AP3M1: variants seen among roughly 807,000 people sequenced by gnomAD.
AP3M1 encodes the protein adaptor related protein complex 3 subunit mu 1, also known as AP-3 complex subunit mu-1.
A neutral mutation model predicts 42.6 loss-of-function variants in AP3M1; 29 were observed. The observed-to-expected ratio is 0.68, with a 90% confidence interval of 0.51 to 0.93. The LOEUF (loss-of-function observed/expected upper bound fraction) is 0.93. Ranked by LOEUF, AP3M1 falls within the 40% of genes least tolerant of loss-of-function variation. The pLI, the probability that AP3M1 is intolerant of heterozygous loss-of-function variation, is 0.00. For missense variants in AP3M1, 416 were observed against 510.2 expected (o/e 0.82, Z 1.78); for synonymous variants, 178 against 175.3 (o/e 1.02, Z -0.12).
chr10:74,128,037 T>C (rs928556419), intron 6 of AP3M1, among the ~76,000 whole-genome samples: 2 of 141,492 alleles, frequency 1.4e-5, no homozygotes, highest in African/African-American at 5.4e-5. Flanking sequence ...GAGGTGGAGG[T>C]TGCAGTAAGC....
At chr10:74,141,714 CTT>C (rs920907444) in intron 1 of AP3M1, among the ~76,000 whole-genome samples, 15 of 133,382 alleles carry the variant, frequency 1.1e-4, no homozygotes, top group Admixed American at 3.1e-4. Flanking sequence ...TTTTATTTTC[CTT>C]TTTTTTTTTT....
chr10:74,134,281 G>T, intron 3 of AP3M1, 117 bp from the exon 4 acceptor site: 2 of 1,098,460 alleles, frequency 1.8e-6, no homozygotes, highest in Non-Finnish European at 2.6e-6. Context: ...ATGAAGTTGT[G>T]GATGGTCACT....
chr10:74,150,352 G>GC (rs988963384), intron 1 of AP3M1: 2 of 152,784 alleles, frequency 1.3e-5, no homozygotes, highest in Non-Finnish European at 2.9e-5. Context: ...CTGAAGAACT[G>GC]CAACACCCTT....
chr10:74,127,129 C>T (rs1840642500), intron 6 of AP3M1, among the ~76,000 whole-genome samples: 1 of 151,958 alleles, frequency 6.6e-6, no homozygotes, highest in Non-Finnish European at 1.5e-5. Context: ...GGAGGATGTG[C>T]ATAGGTTATA....
rs1032329009 is a variant in AP3M1 at position 74,136,694 on chromosome 10, T to A, written c.383A>T (p.Asn128Ile). 1.3e-6 allele frequency: 2 copies of A among 1,597,250 alleles called. No individual in the cohort carries two copies. Among genetic ancestry groups the A allele is most frequent in the Non-Finnish European group, 1.7e-6 (2 of 1,167,272 alleles). The change falls in exon 3 of 9, where the codon AAC (asparagine) becomes ATC (isoleucine). Residue 128 changes from asparagine (N) to isoleucine (I), a missense_variant. Asn to Ile is a moderately radical substitution (Grantham distance 149). Coordinates refer to ENST00000355264, the MANE Select transcript of AP3M1 (RefSeq NM_012095.6). ...TGGTTTAATCAATTCTTTCAAAATGTTAGATTCGGTAGCCAGTGGAAATCC... is the reference window on the plus strand; with the variant it reads ...TGGTTTAATCAATTCTTTCAAAATGATAGATTCGGTAGCCAGTGGAAATCC... ...DNGFPLATESNILKELIKPPT... is the reference protein window; with the variant it reads ...DNGFPLATESIILKELIKPPT...
chr10:74,138,446 G>T (rs1435091868), intron 1 of AP3M1, 64 bp from the exon 2 acceptor site: 1 of 1,436,752 alleles, frequency 7.0e-7, no homozygotes, highest in East Asian at 2.3e-5. Context: ...TACACAAAAA[G>T]ATTATACACC....
chr10:74,129,245 C>T lies in AP3M1; in HGVS notation c.670-4G>A. 6.2e-7 allele frequency: 1 copy of T among 1,613,060 alleles called. No homozygotes were observed. Among genetic ancestry groups the T allele is most frequent in the Non-Finnish European group, 8.5e-7 (1 of 1,179,640 alleles). On this transcript the variant is annotated splice_polypyrimidine_tract_variant and splice_region_variant and intron_variant, in intron 5 of 8. Coordinates refer to ENST00000355264, the MANE Select transcript of AP3M1 (RefSeq NM_012095.6). Reference sequence around the variant, plus strand: ...CATCATCCAGAAGCCTAGGGTTCTGCCAGAAAAACAGAAGACAGTCGTTCA... The same window carrying T: ...CATCATCCAGAAGCCTAGGGTTCTGTCAGAAAAACAGAAGACAGTCGTTCA...
intron 1 of AP3M1, among the ~76,000 whole-genome samples, chr10:74,143,756 G>C (rs1841232540): frequency 6.6e-6 from 1 of 152,120 alleles, no homozygotes; most frequent in Non-Finnish European, 1.5e-5. Context: ...CCTAAATCCA[G>C]CTGAATTCTG....
intron 1 of AP3M1, 178 bp downstream of exon 1, chr10:74,150,577 C>T (rs1371206478): frequency 6.5e-6 from 1 of 153,288 alleles, no homozygotes; most frequent in Non-Finnish European, 1.5e-5. Flanking sequence ...CCGCTCCCTT[C>T]TGGCCTTGCT....
At position 74,126,164 on chromosome 10, in the gene AP3M1, A is replaced by C; in HGVS notation, c.995T>G (p.Phe332Cys). ...NLTPTQGSYT[F>C]DPVTKVLTWD... ...TGGCTGTACCTTGGTGACTGGATCA[A>C]ATGTATAGCTGCCTTGTGTGGGTGT... Residue 332 changes from phenylalanine to cysteine, a missense_variant, in exon 7 of 9, where the codon TTT becomes TGT. Coordinates refer to ENST00000355264, the MANE Select transcript of AP3M1 (RefSeq NM_012095.6). 1.2e-6 allele frequency: 2 copies of C among 1,614,216 alleles called. No homozygotes were observed. The highest frequency in any genetic ancestry group is 1.7e-6 in the Non-Finnish European group (2 of 1,180,034).
chr10:74,137,269 AAGC>A (rs370410814), intron 2 of AP3M1, among the ~76,000 whole-genome samples: 1 of 151,184 alleles, frequency 6.6e-6, no homozygotes. Flanking sequence ...AAAACAAAAC[AAGC>A]AAACAAAAAA....
At chr10:74,133,420 G>C (rs1451247495) in intron 4 of AP3M1, among the ~76,000 whole-genome samples, 1 of 151,764 alleles carries the variant, frequency 6.6e-6, no homozygotes, top group Non-Finnish European at 1.5e-5. Flanking sequence ...ATTTAGCCAG[G>C]TGTGGTGGCT....
chr10:74,149,135 T>A (rs1841430550), intron 1 of AP3M1, among the ~76,000 whole-genome samples: 1 of 151,906 alleles, frequency 6.6e-6, no homozygotes, highest in Non-Finnish European at 1.5e-5. Flanking sequence ...CCTCTCAAAG[T>A]GCTGGGATTA....
rs904103990 is a variant in AP3M1 at position 74,135,440 on chromosome 10, T to C, written c.445+1192A>G. 2.0e-5 allele frequency among the ~76,000 whole-genome samples: 3 copies of C among 152,320 alleles called. 1 individual carries two copies. The highest frequency in any genetic ancestry group is 6.5e-5 in the Admixed American group (1 of 15,300). ...CATTCTCTTGAACTTTGTAATACACTATCTAATGAATCTGTTATGTTTTGC... is the reference window on the plus strand; with the variant it reads ...CATTCTCTTGAACTTTGTAATACACCATCTAATGAATCTGTTATGTTTTGC... On this transcript the variant is annotated intron_variant, in intron 3 of 8. Coordinates refer to ENST00000355264, the MANE Select transcript of AP3M1 (RefSeq NM_012095.6).
chr10:74,124,480 TG>T lies in AP3M1; in HGVS notation c.1055del (p.Pro352GlnfsTer7). ...DVGKITPQKL[P>X]SLKGLVNLQS... The stretch of plus-strand genomic sequence containing the variant: ...GTAAATTTACCAGTCCTTTAAGACT[TG>T]GGAGCTTTTGTGGAGTAATTTTTCC... On this transcript the variant is annotated frameshift_variant, in exon 8 of 9. Coordinates refer to ENST00000355264, the MANE Select transcript of AP3M1 (RefSeq NM_012095.6). LOFTEE classifies it high-confidence loss of function. The T allele has an allele frequency of 6.2e-7, 1 of 1,612,316 alleles. No homozygotes were observed. The highest frequency in any genetic ancestry group is 8.5e-7 in the Non-Finnish European group (1 of 1,179,492).
chr10:74,149,294 T>G (rs1410523206), intron 1 of AP3M1, among the ~76,000 whole-genome samples: 2 of 107,094 alleles, frequency 1.9e-5, no homozygotes, highest in African/African-American at 4.7e-5. Context: ...TTTTTTTTTT[T>G]TTTTTTTTTT....
intron 1 of AP3M1, among the ~76,000 whole-genome samples, chr10:74,145,050 T>C (rs889375285): frequency 2.0e-5 from 3 of 152,250 alleles, no homozygotes; most frequent in Admixed American, 6.5e-5. Context: ...TGAGGAAGTT[T>C]AATAAATTAT....
intron 4 of AP3M1, among the ~76,000 whole-genome samples, chr10:74,131,044 G>A (rs568714208): frequency 2.0e-4 from 30 of 152,204 alleles, no homozygotes; most frequent in South Asian, 4.2e-4. Flanking sequence ...CGTAGAAGGC[G>A]GAGGTTGCAG....
intron 1 of AP3M1, among the ~76,000 whole-genome samples, chr10:74,148,643 C>T (rs1443013744): frequency 6.6e-6 from 1 of 151,970 alleles, no homozygotes; most frequent in Non-Finnish European, 1.5e-5. Flanking sequence ...AACTCCTGGG[C>T]TCAAGTGATC....
Sources: gnomAD v4.1 joint callset for allele counts (sites outside exome capture counted in the v4.1 genomes callset) on GRCh38, gnomAD v4.1.1 for gene constraint, MANE v1.5 for transcripts, NCBI Gene and HGNC (gene_info 2026-07-23, HGNC 2026-07-21) for gene names.